Variants in GRID2 observed in about 807,000 individuals in gnomAD.
GRID2 encodes the protein glutamate receptor ionotropic, delta-2.
In GRID2, 33 loss-of-function variants were observed where a neutral mutation model predicts 114.8. That is an observed-to-expected ratio of 0.29 (90% CI 0.22 to 0.38). The LOEUF is 0.38. Among genes scored for constraint, GRID2 ranks in the 10% least tolerant of loss-of-function variants. The pLI, the probability that GRID2 is intolerant of heterozygous loss-of-function variation, is 1.00. For synonymous variants in GRID2, 505 were observed against 449.9 expected (o/e 1.12, Z -1.55); for missense variants, 1,184 against 1,257.7 (o/e 0.94, Z 0.89).
intron 13 of GRID2, among the ~76,000 whole-genome samples, chr4:93,625,202 A>C (rs1288386091): frequency 6.6e-6 from 1 of 152,216 alleles, no homozygotes; most frequent in Non-Finnish European, 1.5e-5. Context: ...CTGGCTTAGA[A>C]GCCTAGTAAC....
chr4:92,411,115 G>T (rs1731279233), intron 1 of GRID2, among the ~76,000 whole-genome samples: 1 of 152,038 alleles, frequency 6.6e-6, no homozygotes, highest in African/African-American at 2.4e-5. Flanking sequence ...GCATGTGGTG[G>T]GTTCTTACTT....
chr4:93,509,687 T>C (rs1320963484), intron 12 of GRID2, among the ~76,000 whole-genome samples: 1 of 152,172 alleles, frequency 6.6e-6, no homozygotes, highest in Admixed American at 6.5e-5. Context: ...AAACTAAGTG[T>C]TTGCTCAGTG....
At chr4:92,430,721 A>G (rs539555720) in intron 1 of GRID2, among the ~76,000 whole-genome samples, 4 of 152,218 alleles carry the variant, frequency 2.6e-5, no homozygotes, top group Admixed American at 2.0e-4. Context: ...AACAATATTG[A>G]TACTTCTAAT....
At chr4:93,258,769 TA>T in intron 8 of GRID2, 1 of 359,436 alleles carries the variant, frequency 2.8e-6, no homozygotes. Flanking sequence ...TTTAAAGCTA[TA>T]ATTAACCACT....
At chr4:93,097,829 A>G (rs1731353737) in intron 3 of GRID2, among the ~76,000 whole-genome samples, 1 of 151,916 alleles carries the variant, frequency 6.6e-6, no homozygotes, top group African/African-American at 2.4e-5. Context: ...AAACACACAC[A>G]TTGATCAAAA....
chr4:92,986,422 G>A (rs1210536885), intron 2 of GRID2, among the ~76,000 whole-genome samples: 5 of 152,158 alleles, frequency 3.3e-5, no homozygotes, highest in Admixed American at 1.3e-4. Flanking sequence ...TGCACAATGA[G>A]ATATAGGGTT....
At chr4:93,100,661 A>G (rs1234436669) in intron 3 of GRID2, among the ~76,000 whole-genome samples, 1 of 152,058 alleles carries the variant, frequency 6.6e-6, no homozygotes, top group Non-Finnish European at 1.5e-5. Context: ...TTTCAGAAAC[A>G]CCAAGACTGG....
At chr4:93,251,955 T>A (rs1423535389) in intron 8 of GRID2, among the ~76,000 whole-genome samples, 4 of 152,182 alleles carry the variant, frequency 2.6e-5, no homozygotes, top group African/African-American at 9.7e-5. Context: ...AGTGTGCATG[T>A]CTTTAAAATA....
intron 1 of GRID2, among the ~76,000 whole-genome samples, chr4:92,569,922 T>C (rs919681469): frequency 6.6e-6 from 1 of 152,148 alleles, no homozygotes; most frequent in African/African-American, 2.4e-5. Flanking sequence ...ATTTTTACTC[T>C]GTTGATACTT....
rs62308213 is a variant in GRID2 at position 93,113,281 on chromosome 4, C to T, written c.735+2328C>T. Among the ~76,000 whole-genome samples the T allele has an allele frequency of 1.0e-3, 158 of 152,162 alleles. 1 individual carries two copies. The highest frequency in any genetic ancestry group is 2.2e-3 in the Admixed American group (33 of 15,286). ...TTCATAAAAAGCCTTTGAGTTGGTA[C>T]TAACATCATCCTTGTTTTGTAGATA... On this transcript the variant is annotated intron_variant, in intron 4 of 15. Coordinates refer to ENST00000282020, the MANE Select transcript of GRID2 (RefSeq NM_001510.4).
intron 11 of GRID2, among the ~76,000 whole-genome samples, chr4:93,488,514 TAAGTC>T (rs912329375): frequency 1.7e-4 from 26 of 152,064 alleles, no homozygotes; most frequent in African/African-American, 6.0e-4. Flanking sequence ...CGAATCCTGT[TAAGTC>T]ATTCACGTAT....
At chr4:93,061,425 C>T (rs1476895784) in intron 2 of GRID2, among the ~76,000 whole-genome samples, 1 of 151,778 alleles carries the variant, frequency 6.6e-6, no homozygotes, top group Non-Finnish European at 1.5e-5. Context: ...TGGCTACTAG[C>T]ATTCCATTGA....
rs145008970 is a variant in GRID2 at position 93,106,002 on chromosome 4, A to G, written c.530-4746A>G. 6.0e-3 allele frequency among the ~76,000 whole-genome samples: 911 copies of G among 152,268 alleles called. 13 individuals carry two copies. Among genetic ancestry groups the G allele is most frequent in the African/African-American group, 0.021 (855 of 41,548 alleles). On this transcript the variant is annotated intron_variant, in intron 3 of 15. Coordinates refer to ENST00000282020, the MANE Select transcript of GRID2 (RefSeq NM_001510.4). ...TATTCTGCCTACCACAAGTTCCTTT[A>G]TAGTGTCATGGAAAAAACATCTTCC...
At chr4:93,416,186 T>G (rs893887326) in intron 9 of GRID2, among the ~76,000 whole-genome samples, 19 of 152,018 alleles carry the variant, frequency 1.2e-4, no homozygotes, top group African/African-American at 4.1e-4. Flanking sequence ...TGTCTTGATA[T>G]CTCCTTTTAA....
chr4:92,707,781 T>C (rs753412375), intron 2 of GRID2, among the ~76,000 whole-genome samples: 2 of 152,210 alleles, frequency 1.3e-5, no homozygotes, highest in Non-Finnish European at 2.9e-5. Flanking sequence ...AAAACTTTTC[T>C]CAGATGGTTC....
intron 2 of GRID2, among the ~76,000 whole-genome samples, chr4:92,806,724 G>A (rs1468346007): frequency 6.6e-6 from 1 of 151,848 alleles, no homozygotes; most frequent in East Asian, 1.9e-4. Flanking sequence ...ATTTCTAATA[G>A]TATTTTGATG....
In GRID2 at chr4:93,484,627, G is replaced by A. The variant is rs76857678; in HGVS notation, c.1859-6012G>A. Among the ~76,000 whole-genome samples the A allele has an allele frequency of 1.7e-3, 252 of 152,012 alleles. 3 individuals carry two copies. In the East Asian group the frequency reaches 0.017, roughly 10 times the overall value. On this transcript the variant is annotated intron_variant, in intron 11 of 15. Coordinates refer to ENST00000282020, the MANE Select transcript of GRID2 (RefSeq NM_001510.4). ...AGAAAGTGACATACAGAAAATGGAA[G>A]TGAAGTACAGAAACAGCTGGATTGA...
intron 14 of GRID2, among the ~76,000 whole-genome samples, chr4:93,744,473 G>A (rs530138347): frequency 1.3e-5 from 2 of 152,294 alleles, no homozygotes; most frequent in East Asian, 3.9e-4. Flanking sequence ...GGGAGTTTAA[G>A]ACTTTATTGG....
At chr4:92,607,650 T>C (rs1729524362) in intron 2 of GRID2, among the ~76,000 whole-genome samples, 1 of 151,824 alleles carries the variant, frequency 6.6e-6, no homozygotes, top group Non-Finnish European at 1.5e-5. Flanking sequence ...TAAGTGCTAA[T>C]GAACAGCAAA....
Sources: gnomAD v4.1 joint callset for allele counts (sites outside exome capture counted in the v4.1 genomes callset) on GRCh38, gnomAD v4.1.1 for gene constraint, MANE v1.5 for transcripts, NCBI Gene and HGNC (gene_info 2026-07-23, HGNC 2026-07-21) for gene names.